The following LRRC66 variants were observed in gnomAD, a reference collection of about 807,000 sequenced individuals.
LRRC66 encodes leucine-rich repeat-containing protein 66.
In LRRC66, 29 loss-of-function variants were observed where a neutral mutation model predicts 24.6. That is an observed-to-expected ratio of 1.18 (90% CI 0.88 to 1.61). The LOEUF is 1.61. LRRC66 is among the 40% of genes most tolerant of loss of function. The pLI is 0.00. For missense variants in LRRC66, 1,124 were observed against 1,058.0 expected (o/e 1.06, Z -0.87); for synonymous variants, 411 against 397.6 (o/e 1.03, Z -0.40).
intron 2 of LRRC66, among the ~76,000 whole-genome samples, chr4:52,011,732 G>A (rs910802176): frequency 2.6e-5 from 4 of 152,180 alleles, no homozygotes; most frequent in Non-Finnish European, 4.4e-5. Context: ...CACTCTATGT[G>A]TTATAGTCTT....
intron 4 of LRRC66, 135 bp from the exon 5 acceptor site, chr4:51,996,300 G>A (rs150912116): frequency 5.6e-5 from 44 of 787,940 alleles, no homozygotes; most frequent in South Asian, 5.0e-4. Flanking sequence ...AGCCTGGAGC[G>A]CAGTGGCACA....
Position 51,994,982 on chromosome 4 carries a change from A to G in LRRC66, c.2040T>C (p.Thr680=). ...TCTGCACTGGTTCCTTGTTAGCAGG[A>G]GTGACATCCAGGCCACTGTCCCATC... ...PPRWDSGLDV[T]PANKEPVQKS... Residue 680 remains threonine (T), a synonymous_variant, in exon 5 of 5, where the codon ACT becomes ACC. Transcript: ENST00000682860. The G allele has an allele frequency of 1.9e-6, 3 of 1,614,152 alleles. No individual in the cohort carries two copies. The highest frequency in any genetic ancestry group is 2.5e-6 in the Non-Finnish European group (3 of 1,180,034).
At chr4:52,009,789 C>A (rs1736661703) in intron 2 of LRRC66, among the ~76,000 whole-genome samples, 1 of 152,100 alleles carries the variant, frequency 6.6e-6, no homozygotes, top group South Asian at 2.1e-4. Context: ...CAATTCTAAA[C>A]AAACACTTCC....
In LRRC66 at chr4:51,995,623, C is replaced by T; in HGVS notation, c.1399G>A (p.Ala467Thr). 1 of 1,614,022 alleles carries T rather than the reference C, an allele frequency of 6.2e-7. No homozygotes were observed. Among genetic ancestry groups the T allele is most frequent in the Admixed American group, 1.7e-5 (1 of 60,006 alleles). ...AGAGTTCTATCAGGAATTACGGTGG[C>T]GTGTGGGTGTGGCTGTGTCACCCAG... Reference protein sequence around the residue: ...PFWVTQPHPHATVIPDRTLGR... With the variant: ...PFWVTQPHPHTTVIPDRTLGR... The change falls in exon 5 of 5, where the codon GCC (alanine) becomes ACC (threonine). Residue 467 changes from alanine (A) to threonine (T), a missense_variant. Physicochemically the swap from Ala to Thr is moderately conservative, Grantham distance 58 (BLOSUM62 0). Coordinates refer to ENST00000682860, the MANE Select transcript of LRRC66 (RefSeq NM_001024611.3).
chr4:52,006,529 C>T (rs1191760202), intron 2 of LRRC66, among the ~76,000 whole-genome samples: 2 of 132,082 alleles, frequency 1.5e-5, no homozygotes, highest in Admixed American at 9.1e-5. Context: ...GGAAGGGGAA[C>T]ATCACACTCT....
rs1443892488 is a variant in LRRC66, at chr4:51,995,076, A to G, written c.1946T>C (p.Leu649Pro). Residue 649 changes from leucine to proline, a missense_variant, in exon 5 of 5, where the codon CTT (leucine) becomes CCT (proline). Transcript: ENST00000682860. ...TGGAACCTCGCTGTAGTGGGCTGAA[A>G]GCGCTTCCTCAGCCCTTGCCCCGGA... ...RLSGARAEEA[L>P]SAHYSEVPYG... 6.2e-7 allele frequency: 1 copy of G among 1,614,224 alleles called. No homozygotes were observed. The highest frequency in any genetic ancestry group is 1.1e-5 in the South Asian group (1 of 91,084).
chr4:51,994,366 T>G lies in LRRC66; in HGVS notation c.*13A>C, dbSNP rs974780731. 1 of 1,592,262 alleles carries G rather than the reference T, an allele frequency of 6.3e-7. No homozygotes were observed. The highest frequency in any genetic ancestry group is 1.4e-5 in the African/African-American group (1 of 74,028). On this transcript the variant is annotated 3_prime_UTR_variant, in exon 5 of 5. Coordinates refer to ENST00000682860, the MANE Select transcript of LRRC66 (RefSeq NM_001024611.3). ...TTGTTTAGAGCTGTGAATATTTCCTTAATGAAAGATTCTTATTTTAAAATG... is the reference window on the plus strand; with the variant it reads ...TTGTTTAGAGCTGTGAATATTTCCTGAATGAAAGATTCTTATTTTAAAATG...
At chr4:52,006,035 C>T (rs1736575229) in intron 2 of LRRC66, among the ~76,000 whole-genome samples, 1 of 152,194 alleles carries the variant, frequency 6.6e-6, no homozygotes, top group South Asian at 2.1e-4. Flanking sequence ...CCTGCCTGGC[C>T]TATATAAGGA....
At chr4:51,996,292 C>A in intron 4 of LRRC66, 127 bp from the exon 5 acceptor site, 1 of 885,856 alleles carries the variant, frequency 1.1e-6, no homozygotes, top group Non-Finnish European at 1.7e-6. Flanking sequence ...GCACACCCAG[C>A]CTGGAGCGCA....
chr4:52,009,863 C>T (rs1197303392), intron 2 of LRRC66, among the ~76,000 whole-genome samples: 3 of 152,110 alleles, frequency 2.0e-5, no homozygotes, highest in East Asian at 3.9e-4. Context: ...ACTCTAATAC[C>T]AAAACTAGAC....
chr4:51,998,065 G>T, intron 3 of LRRC66, 128 bp from the exon 4 acceptor site: 2 of 777,308 alleles, frequency 2.6e-6, no homozygotes, highest in Non-Finnish European at 2.1e-6. Context: ...TGGTTTACAA[G>T]TCAGGGAATT....
chr4:52,017,330 T>G lies in LRRC66; in HGVS notation c.284A>C (p.Asn95Thr). The change falls in exon 2 of 5, where the codon AAT becomes ACT. Residue 95 changes from asparagine (N) to threonine (T), a missense_variant. Physicochemically the swap from Asn to Thr is moderately conservative, Grantham distance 65 (BLOSUM62 0). Transcript: ENST00000682860. ...WKIKHLDLSN[N>T]LISKITLSPF... ...GCTTAAGGTTATTTTTGATATGAGA[T>G]TGTTACTGAGGTCCAGATGTTTTAT... 4 of 1,614,162 alleles carry G rather than the reference T, an allele frequency of 2.5e-6. No individual in the cohort carries two copies. The highest frequency in any genetic ancestry group is 3.4e-6 in the Non-Finnish European group (4 of 1,180,002).
chr4:51,998,367 G>A (rs1736372409), intron 3 of LRRC66, among the ~76,000 whole-genome samples: 1 of 152,206 alleles, frequency 6.6e-6, no homozygotes, highest in African/African-American at 2.4e-5. Context: ...AATACTGGAT[G>A]ATGAAGACAC....
At chr4:52,005,767 G>C (rs1005413692) in intron 2 of LRRC66, among the ~76,000 whole-genome samples, 2 of 152,014 alleles carry the variant, frequency 1.3e-5, no homozygotes, top group Non-Finnish European at 2.9e-5. Context: ...CTGCTGCCCT[G>C]AGCACTTACT....
intron 3 of LRRC66, among the ~76,000 whole-genome samples, chr4:51,999,411 C>T (rs988270480): frequency 7.2e-5 from 11 of 152,124 alleles, no homozygotes; most frequent in African/African-American, 2.6e-4. Flanking sequence ...GGGTAATAAG[C>T]GTGAGTTTTC....
rs79095770 is a variant in LRRC66 at position 52,017,844 on chromosome 4, C to G, written c.-5-226G>C. On this transcript the variant is annotated intron_variant, in intron 1 of 4. Coordinates refer to ENST00000682860, the MANE Select transcript of LRRC66 (RefSeq NM_001024611.3). Reference sequence around the variant, plus strand: ...TGTCACATTTTAAAGAAAGGACTCCCCTGATTTTTCAGAAAATACATATTC... The same window carrying G: ...TGTCACATTTTAAAGAAAGGACTCCGCTGATTTTTCAGAAAATACATATTC... The G allele has an allele frequency of 3.5e-3, 3,480 of 985,340 alleles. 6 individuals are homozygous for G. Among genetic ancestry groups the G allele is most frequent in the Non-Finnish European group, 4.0e-3 (3,291 of 829,908 alleles). 61.0% of individuals were successfully genotyped at this position (985,340 alleles called of 1,614,324 possible). A position where few individuals can be genotyped will look rare whatever the true frequency, so the allele number is the denominator to read the frequency against.
intron 2 of LRRC66, among the ~76,000 whole-genome samples, chr4:52,005,012 T>A (rs1736541226): frequency 6.6e-6 from 1 of 152,144 alleles, no homozygotes; most frequent in African/African-American, 2.4e-5. Flanking sequence ...AAAATTAAGT[T>A]TTATTTGTTT....
chr4:51,999,891 G>T (rs1009101771), intron 3 of LRRC66, among the ~76,000 whole-genome samples: 12 of 152,198 alleles, frequency 7.9e-5, no homozygotes, highest in African/African-American at 2.4e-4. Context: ...ATTAGGAAAA[G>T]AAATGCTAAT....
chr4:51,994,462 G>C lies in LRRC66; in HGVS notation c.2560C>G (p.Gln854Glu), dbSNP rs924569196. The C allele has an allele frequency of 2.5e-6, 4 of 1,614,212 alleles. No homozygotes were observed. Among genetic ancestry groups the C allele is most frequent in the Non-Finnish European group, 3.4e-6 (4 of 1,180,026 alleles). Residue 854 changes from glutamine (Q) to glutamate (E), a missense_variant, in exon 5 of 5, where the codon CAA becomes GAA. By Grantham distance (29) the Gln-to-Glu change is conservative. Transcript: ENST00000682860. ...ACTTCAGCAGAACATGGTGGTGTTT[G>C]CTGTAAAACGTCCACATTTGAAAAT... Reference protein sequence around the residue: ...LEFSNVDVLQQTPPCSAEVPS... With the variant: ...LEFSNVDVLQETPPCSAEVPS...
Sources: allele counts gnomAD v4.1 joint callset (sites outside exome capture counted in the v4.1 genomes callset), GRCh38; gene constraint gnomAD v4.1.1; transcripts MANE v1.5; gene names NCBI Gene and HGNC (gene_info 2026-07-23, HGNC 2026-07-21).